Variants in ADAMTSL5 observed in about 807,000 individuals in gnomAD.
ADAMTSL5 encodes the protein ADAMTS-like protein 5.
A neutral mutation model predicts 51.7 loss-of-function variants in ADAMTSL5; 53 were observed. That is an observed-to-expected ratio of 1.03 (90% confidence interval 0.82 to 1.29). ADAMTSL5 has a LOEUF of 1.29. Among genes scored for constraint, ADAMTSL5 ranks in the 50% most tolerant of loss-of-function variants. ADAMTSL5 has a pLI of 0.00. For missense variants in ADAMTSL5, 770 were observed against 676.2 expected, an observed-to-expected ratio of 1.14 and a Z score of -1.54; for synonymous variants, 285 against 278.7, an observed-to-expected ratio of 1.02 and a Z score of -0.23.
chr19:1,509,685 A>G (rs1318612815), intron 5 of ADAMTSL5, among the ~76,000 whole-genome samples: 6 of 133,066 alleles, frequency 4.5e-5, no homozygotes, highest in Non-Finnish European at 1.0e-4. Context: ...GAAGGGAAGG[A>G]AGAAAGGGAA....
At chr19:1,509,411 TG>T (rs1913135360) in intron 5 of ADAMTSL5, among the ~76,000 whole-genome samples, 1 of 152,146 alleles carries the variant, frequency 6.6e-6, no homozygotes, top group Non-Finnish European at 1.5e-5. Context: ...CCCTTCTGCC[TG>T]GAAGTGGGGC....
In ADAMTSL5 at chr19:1,506,022, G is replaced by C; in HGVS notation, c.1409C>G (p.Pro470Arg). The C allele has an allele frequency of 2.6e-6, 4 of 1,567,162 alleles. No homozygotes were observed. Among genetic ancestry groups the C allele is most frequent in the Non-Finnish European group, 3.4e-6 (4 of 1,164,274 alleles). Reference sequence around the variant, plus strand: ...CGGGGCTCCTGCAGGGGCTCAGCCAGGACAGCGCCGGGCAGTCAGGCGTAT... The same window carrying C: ...CGGGGCTCCTGCAGGGGCTCAGCCACGACAGCGCCGGGCAGTCAGGCGTAT... ...SRIRLTARRC[P>R]G Residue 470 changes from proline (P) to arginine (R), a missense_variant, in exon 12 of 12, where the codon CCT becomes CGT. By Grantham distance (103) the Pro-to-Arg change is moderately radical. Transcript: ENST00000330475. This position sits in a 1 kb window ranked among gnomAD's most constrained non-coding sequence, Gnocchi z 5.6.
In ADAMTSL5 at chr19:1,510,624, C is replaced by A; in HGVS notation, c.191+15G>T. The A allele has an allele frequency of 3.9e-6, 6 of 1,527,228 alleles. No homozygotes were observed. The highest frequency in any genetic ancestry group is 5.3e-6 in the Non-Finnish European group (6 of 1,135,966). 94.6% of individuals were successfully genotyped at this position (1,527,228 alleles called of 1,614,324 possible). ...GGGGGAGGAGGGGCAGGGACCCCCT[C>A]CGGGCCCCGCTCACCGGAGGCAGCG... On this transcript the variant is annotated intron_variant, in intron 3 of 11. Coordinates refer to ENST00000330475, the MANE Select transcript of ADAMTSL5 (RefSeq NM_213604.3).
At chr19:1,512,843 A>T (rs550739192) in intron 1 of ADAMTSL5, 120 bp downstream of exon 1, 1 of 152,388 alleles carries the variant, frequency 6.6e-6, no homozygotes, top group East Asian at 1.9e-4. Context: ...GCCCAGAATC[A>T]AGGCTCTCCC....
rs1160635015 is a variant in ADAMTSL5, at chr19:1,506,590, C to CA, written c.1113dup (p.Val372CysfsTer19). The CA allele has an allele frequency of 1.2e-5, 19 of 1,570,966 alleles. No individual in the cohort carries two copies. The highest frequency in any genetic ancestry group is 1.6e-5 in the Non-Finnish European group (18 of 1,154,604). ...TCAGGGTAGAGGTCGGGGGTCTCAC[C>CA]AAAGTCACTGCCGCAATAGTGGAGT... On this transcript the variant is annotated frameshift_variant and splice_region_variant, in exon 11 of 12. Coordinates refer to ENST00000330475, the MANE Select transcript of ADAMTSL5 (RefSeq NM_213604.3). LOFTEE classifies it high-confidence loss of function. The surrounding 1 kb of genome is among the most constrained non-coding windows in gnomAD (Gnocchi z 5.6).
chr19:1,506,877 G>A lies in ADAMTSL5; in HGVS notation c.904C>T (p.Arg302Trp), dbSNP rs753793260. Residue 302 changes from arginine to tryptophan, a missense_variant, in exon 10 of 12, where the codon CGG (arginine) becomes TGG (tryptophan). By Grantham distance (101) the Arg-to-Trp change is moderately radical. Transcript: ENST00000330475. The surrounding 1 kb of genome is among the most constrained non-coding windows in gnomAD (Gnocchi z 5.6). ...GCCTGGAAGGGGCTGTAGCGCTCCC[G>A]AGGGAGCCAGAACTCAAACTCGATG... ...PGIEFEFWLP[R>W]ERYSPFQARV... The A allele has an allele frequency of 5.0e-5, 77 of 1,548,654 alleles. No homozygotes were observed. Among genetic ancestry groups the A allele is most frequent in the African/African-American group, 1.2e-4 (9 of 72,860 alleles).
At position 1,505,786 on chromosome 19, in the gene ADAMTSL5, AAGTC is replaced by A; in HGVS notation, c.*225_*228del. On this transcript the variant is annotated 3_prime_UTR_variant, in exon 12 of 12. Coordinates refer to ENST00000330475, the MANE Select transcript of ADAMTSL5 (RefSeq NM_213604.3). ...GCAGCCAAGGAGAGAGGCGAAATAA[AAGTC>A]AGAGTCTCCTTAGTGCCTCCTCACC... is the stretch of plus-strand genomic sequence containing the variant. 2 of 480,684 alleles carry A rather than the reference AAGTC, an allele frequency of 4.2e-6. No homozygotes were observed. The highest frequency in any genetic ancestry group is 7.1e-6 in the Non-Finnish European group (2 of 281,406). The allele number at this position is 480,684 out of a possible 1,614,324, so 29.8% of individuals were successfully genotyped here. A position where few individuals can be genotyped will look rare whatever the true frequency, so the allele number is the denominator to read the frequency against.
chr19:1,506,031 C>A lies in ADAMTSL5; in HGVS notation c.1400G>T (p.Arg467Leu). The change falls in exon 12 of 12, where the codon CGG becomes CTG. Residue 467 changes from arginine to leucine, a missense_variant. Arg to Leu is a moderately radical substitution (Grantham distance 102, BLOSUM62 -2). Transcript: ENST00000330475. The surrounding 1 kb of genome is among the most constrained non-coding windows in gnomAD (Gnocchi z 5.6). ...TGCAGGGGCTCAGCCAGGACAGCGC[C>A]GGGCAGTCAGGCGTATGCGGCTGTC... is the stretch of plus-strand genomic sequence containing the variant. ...AEDSRIRLTA[R>L]RCPG The A allele has an allele frequency of 2.5e-6, 4 of 1,577,496 alleles. No homozygotes were observed. The highest frequency in any genetic ancestry group is 1.1e-5 in the South Asian group (1 of 87,360).
Position 1,505,788 on chromosome 19 carries a change from G to T in ADAMTSL5, c.*227C>A. 1 of 486,356 alleles carries T rather than the reference G, an allele frequency of 2.1e-6. No individual in the cohort carries two copies. Among genetic ancestry groups the T allele is most frequent in the Non-Finnish European group, 3.5e-6 (1 of 285,650 alleles). The allele number at this position is 486,356 out of a possible 1,614,324, so 30.1% of individuals were successfully genotyped here. ...AGCCAAGGAGAGAGGCGAAATAAAA[G>T]TCAGAGTCTCCTTAGTGCCTCCTCA... is the stretch of plus-strand genomic sequence containing the variant. On this transcript the variant is annotated 3_prime_UTR_variant, in exon 12 of 12. Transcript: ENST00000330475.
At position 1,506,708 on chromosome 19, in the gene ADAMTSL5, T is replaced by G; in HGVS notation, c.1042+31A>C. On this transcript the variant is annotated intron_variant, in intron 10 of 11. Coordinates refer to ENST00000330475, the MANE Select transcript of ADAMTSL5 (RefSeq NM_213604.3). This position sits in a 1 kb window ranked among gnomAD's most constrained non-coding sequence, Gnocchi z 5.6. Reference sequence around the variant, plus strand: ...GAGGGGCACAGGCCTCAGTCCCCACTCATCCCCCACCCTGGCTGTCCCCAC... The same window carrying G: ...GAGGGGCACAGGCCTCAGTCCCCACGCATCCCCCACCCTGGCTGTCCCCAC... 6.5e-7 allele frequency: 1 copy of G among 1,549,516 alleles called. No individual in the cohort carries two copies.
At chr19:1,510,476 G>A (rs1913202720) in intron 3 of ADAMTSL5, 48 bp from the exon 4 acceptor site, 2 of 1,558,276 alleles carry the variant, frequency 1.3e-6, no homozygotes, top group African/African-American at 1.4e-5. Flanking sequence ...CCCCCTCCCA[G>A]GGCTGGCCTT....
rs147120063 is a variant in ADAMTSL5, at chr19:1,507,510, C to A, written c.688+47G>T. ...CCCCATCTGTAAACAGGGACAACCG[C>A]CCCCGGGTGCCCAGCCGGGTGCCTC... is the stretch of plus-strand genomic sequence containing the variant. On this transcript the variant is annotated intron_variant, in intron 8 of 11. Transcript: ENST00000330475. 8 of 1,611,030 alleles carry A rather than the reference C, an allele frequency of 5.0e-6. No homozygotes were observed. In the South Asian group the frequency reaches 6.6e-5, roughly 13 times the overall value.
Position 1,507,398 on chromosome 19 carries a change from C to T in ADAMTSL5, c.696G>A (p.Met232Ile), listed in dbSNP as rs375519545. 2.5e-6 allele frequency: 4 copies of T among 1,576,978 alleles called. No homozygotes were observed. The highest frequency in any genetic ancestry group is 2.7e-5 in the African/African-American group (2 of 74,120). ...TAAGCACGTAGCGCCCATCGCCCCC[C>T]ATCAGTGCTGCAAGGGAACAGTCAG... Reference protein sequence around the residue: ...EHRSRNHLALMGGDGRYVLNG... With the variant: ...EHRSRNHLALIGGDGRYVLNG... Residue 232 changes from methionine to isoleucine, a missense_variant, in exon 9 of 12, where the codon ATG becomes ATA. Physicochemically the swap from Met to Ile is conservative, Grantham distance 10 (BLOSUM62 1). Transcript: ENST00000330475.
rs1183940733 is a variant in ADAMTSL5, at chr19:1,506,862, G to C, written c.919C>G (p.Pro307Ala). The C allele has an allele frequency of 1.3e-6, 2 of 1,548,098 alleles. No homozygotes were observed. The highest frequency in any genetic ancestry group is 1.7e-6 in the Non-Finnish European group (2 of 1,146,030). ...AGGGCCTGCACACGAGCCTGGAAGGGGCTGTAGCGCTCCCGAGGGAGCCAG... is the reference window on the plus strand; with the variant it reads ...AGGGCCTGCACACGAGCCTGGAAGGCGCTGTAGCGCTCCCGAGGGAGCCAG... The part of the protein sequence containing the change: ...EFWLPRERYS[P>A]FQARVQALGW... Residue 307 changes from proline (P) to alanine (A), a missense_variant, in exon 10 of 12, where the codon CCC becomes GCC. Physicochemically the swap from Pro to Ala is conservative, Grantham distance 27. Transcript: ENST00000330475. This position sits in a 1 kb window ranked among gnomAD's most constrained non-coding sequence, Gnocchi z 5.6.
intron 6 of ADAMTSL5, 143 bp downstream of exon 6, chr19:1,508,300 A>G (rs1599286302): frequency 1.7e-6 from 1 of 601,088 alleles, no homozygotes; most frequent in Non-Finnish European, 2.0e-6. Context: ...GGCTGGGGGC[A>G]GGGCCTGGAA....
Position 1,510,520 on chromosome 19 carries a change from C to G in ADAMTSL5, c.192-92G>C, listed in dbSNP as rs571755940. 4.0e-6 allele frequency: 6 copies of G among 1,504,572 alleles called. No individual in the cohort carries two copies. In the South Asian group the frequency reaches 6.3e-5, roughly 16 times the overall value. 93.2% of individuals were successfully genotyped at this position (1,504,572 alleles called of 1,614,324 possible). A position where few individuals can be genotyped will look rare whatever the true frequency, so the allele number is the denominator to read the frequency against. On this transcript the variant is annotated intron_variant, in intron 3 of 11. Coordinates refer to ENST00000330475, the MANE Select transcript of ADAMTSL5 (RefSeq NM_213604.3). ...CGCCCCCGCCAACCCCACCCGCATT[C>G]CAGCGGGATCAGGGGGATTAAAGGG...
In ADAMTSL5 at chr19:1,507,372, T is replaced by G. The variant is rs1333287542; in HGVS notation, c.722A>C (p.Asn241Thr). 6.3e-7 allele frequency: 1 copy of G among 1,579,112 alleles called. No homozygotes were observed. Among genetic ancestry groups the G allele is most frequent in the East Asian group, 2.2e-5 (1 of 44,584 alleles). Residue 241 changes from asparagine (N) to threonine (T), a missense_variant, in exon 9 of 12, where the codon AAT becomes ACT. By Grantham distance (65) the Asn-to-Thr change is moderately conservative (BLOSUM62 0). Coordinates refer to ENST00000330475, the MANE Select transcript of ADAMTSL5 (RefSeq NM_213604.3). ...TGGTGGGCTGACCACCCAGTGCCCA[T>G]TAAGCACGTAGCGCCCATCGCCCCC... ...LMGGDGRYVLNGHWVVSPPGT... is the reference protein window; with the variant it reads ...LMGGDGRYVLTGHWVVSPPGT...
At chr19:1,512,094 A>AG (rs948059123) in intron 1 of ADAMTSL5, among the ~76,000 whole-genome samples, 4 of 152,072 alleles carry the variant, frequency 2.6e-5, no homozygotes, top group African/African-American at 9.7e-5. Context: ...AGGGGGAAAG[A>AG]GGGGGGAAGG....
Position 1,508,524 on chromosome 19 carries a change from G to C in ADAMTSL5, c.408C>G (p.Phe136Leu), listed in dbSNP as rs1224595584. Residue 136 changes from phenylalanine (F) to leucine (L), a missense_variant, in exon 6 of 12, where the codon TTC becomes TTG. Phe to Leu is a conservative substitution (Grantham distance 22). Coordinates refer to ENST00000330475, the MANE Select transcript of ADAMTSL5 (RefSeq NM_213604.3). ...DLNCLAEGHAFYHSFGRVLDG... is the reference protein window; with the variant it reads ...DLNCLAEGHALYHSFGRVLDG... ...CCAGGACGCGGCCGAAGCTGTGGTA[G>C]AAGGCGTGCCCCTCAGCCAGGCAGT... 2 of 1,585,638 alleles carry C rather than the reference G, an allele frequency of 1.3e-6. No individual in the cohort carries two copies. Among genetic ancestry groups the C allele is most frequent in the Admixed American group, 3.4e-5 (2 of 58,550 alleles).
Sources: allele counts gnomAD v4.1 joint callset (sites outside exome capture counted in the v4.1 genomes callset), GRCh38; gene constraint gnomAD v4.1.1; non-coding constraint Gnocchi (gnomAD v3.1); transcripts MANE v1.5; gene names NCBI Gene and HGNC (gene_info 2026-07-23, HGNC 2026-07-21).